The following IDO2 variants were observed in gnomAD, a reference collection of about 807,000 sequenced individuals.
The protein encoded by IDO2 is indoleamine 2,3-dioxygenase-like 1 protein.
Under a neutral mutation model 45.1 loss-of-function variants are expected in IDO2, and 46 were observed. The observed-to-expected ratio is 1.02, with a 90% CI of 0.80 to 1.30. IDO2 has a LOEUF of 1.30. Among genes scored for constraint, IDO2 ranks in the 50% most tolerant of loss-of-function variants. IDO2 has a pLI of 0.00. For synonymous variants in IDO2, 218 were observed against 184.9 expected, an observed-to-expected ratio of 1.18 and a Z score of -1.45; for missense variants, 544 against 491.8, an observed-to-expected ratio of 1.11 and a Z score of -1.00.
Position 39,940,804 on chromosome 8 carries a change from A to C in IDO2, c.-18+5586A>C, listed in dbSNP as rs191776344. 7.4e-3 allele frequency among the ~76,000 whole-genome samples: 1,128 copies of C among 151,542 alleles called. 10 individuals are homozygous for C. Among genetic ancestry groups the C allele is most frequent in the Non-Finnish European group, 0.012 (833 of 67,940 alleles). On this transcript the variant is annotated intron_variant, in intron 1 of 10. Transcript: ENST00000502986. Reference sequence around the variant, plus strand: ...TGCTTCCCAAAACAAAGAAATGATCACTGTTTCGGTGATGGAGATGTCAAT... The same window carrying C: ...TGCTTCCCAAAACAAAGAAATGATCCCTGTTTCGGTGATGGAGATGTCAAT...
At chr8:39,938,812 A>C (rs1464250208) in intron 1 of IDO2, among the ~76,000 whole-genome samples, 1 of 152,260 alleles carries the variant, frequency 6.6e-6, no homozygotes, top group East Asian at 1.9e-4. Flanking sequence ...GAAGAAACAC[A>C]GTGGCAAGCA....
At chr8:39,950,966 C>G (rs969596899) in intron 2 of IDO2, among the ~76,000 whole-genome samples, 1 of 152,032 alleles carries the variant, frequency 6.6e-6, no homozygotes, top group Non-Finnish European at 1.5e-5. Flanking sequence ...CTTTGAAGAA[C>G]TTTCCCATTT....
At chr8:39,934,773 T>C (rs1205397652) in exon 1 of IDO2, 3 of 283,950 alleles carry the variant, frequency 1.1e-5, no homozygotes, top group African/African-American at 4.6e-5. Context: ...GTGGTTGTAC[T>C]TTTGCCATAG....
At chr8:39,950,121 T>A (rs1807791193) in intron 2 of IDO2, among the ~76,000 whole-genome samples, 1 of 152,124 alleles carries the variant, frequency 6.6e-6, no homozygotes, top group African/African-American at 2.4e-5. Context: ...TTGCTGAAAG[T>A]CATGAGTGGC....
chr8:39,985,214 C>G, intron 5 of IDO2: 1 of 435,554 alleles, frequency 2.3e-6, no homozygotes, highest in Non-Finnish European at 4.1e-6. Context: ...CAGGCATGAG[C>G]CACTGTGCCC....
At chr8:39,997,127 A>G (rs960391331) in intron 8 of IDO2, among the ~76,000 whole-genome samples, 1 of 152,212 alleles carries the variant, frequency 6.6e-6, no homozygotes, top group Non-Finnish European at 1.5e-5. Flanking sequence ...ACAAATACAA[A>G]TTCATAATAC....
chr8:40,015,959 T>C (rs2955905), exon 11 of IDO2: 365,060 of 368,770 alleles, frequency 0.99, 180,793 homozygotes, highest in South Asian at 1. Context: ...TACTTGTTGA[T>C]TTTCTTAAAA....
chr8:39,945,018 A>G (rs1807709010), intron 1 of IDO2, among the ~76,000 whole-genome samples: 3 of 152,260 alleles, frequency 2.0e-5, no homozygotes, highest in Non-Finnish European at 4.4e-5. Flanking sequence ...TGCTCTGCTA[A>G]TAATTAATAG....
chr8:39,994,821 T>G (rs1198488057), intron 8 of IDO2, among the ~76,000 whole-genome samples: 1 of 152,086 alleles, frequency 6.6e-6, no homozygotes, highest in Non-Finnish European at 1.5e-5. Flanking sequence ...AAAAAAACCT[T>G]CAGATTAATT....
chr8:40,005,361 C>G (rs745582116), exon 9 of IDO2: 1 of 1,580,984 alleles, frequency 6.3e-7, no homozygotes, highest in Admixed American at 1.7e-5. Flanking sequence ...ATGCAGGCAT[C>G]CGGATCTTTC....
chr8:39,978,472 T>A (rs1240192475), intron 3 of IDO2, among the ~76,000 whole-genome samples: 2 of 152,082 alleles, frequency 1.3e-5, no homozygotes, highest in African/African-American at 4.8e-5. Flanking sequence ...CTTTCAACCA[T>A]GATACCGCCT....
intron 1 of IDO2, among the ~76,000 whole-genome samples, chr8:39,942,298 C>T (rs1404533254): frequency 6.6e-6 from 1 of 152,164 alleles, no homozygotes; most frequent in Non-Finnish European, 1.5e-5. Flanking sequence ...GGCCATGTAG[C>T]TAATAGATGA....
chr8:39,939,544 C>A (rs1807610513), intron 1 of IDO2, among the ~76,000 whole-genome samples: 2 of 37,852 alleles, frequency 5.3e-5, no homozygotes, highest in African/African-American at 1.0e-4. Flanking sequence ...GAGACTCTGT[C>A]TCAAAAAAAA....
chr8:40,009,278 G>T (rs929792852), intron 9 of IDO2, among the ~76,000 whole-genome samples: 3 of 152,142 alleles, frequency 2.0e-5, no homozygotes, highest in Non-Finnish European at 4.4e-5. Context: ...GTCCCCCAAA[G>T]TGCTGGGATT....
Position 39,987,866 on chromosome 8 carries a change from C to A in IDO2, c.450-5C>A. The stretch of plus-strand genomic sequence containing the variant: ...CTCTAATCATGTGCTCCTCTCCTTC[C>A]CAAGGAACCTGGAGACCATCATCTC... On this transcript the variant is annotated splice_region_variant and splice_polypyrimidine_tract_variant and intron_variant, in intron 6 of 10. Transcript: ENST00000502986. The A allele has an allele frequency of 6.3e-7, 1 of 1,585,752 alleles. No homozygotes were observed. Among genetic ancestry groups the A allele is most frequent in the Non-Finnish European group, 8.6e-7 (1 of 1,158,574 alleles).
At position 39,970,414 on chromosome 8, in the gene IDO2, C is replaced by CA. The variant is rs1274993356; in HGVS notation, c.195+6714dup. On this transcript the variant is annotated intron_variant, in intron 3 of 10. Transcript: ENST00000502986. Reference sequence around the variant, plus strand: ...ATTTATTAATTTATTTATTTTGAGACAAAGTCTTGCTCTGTCCCCCAGGCT... The same window carrying CA: ...ATTTATTAATTTATTTATTTTGAGACAAAAGTCTTGCTCTGTCCCCCAGGCT... 3.6e-4 allele frequency among the ~76,000 whole-genome samples: 55 copies of CA among 152,310 alleles called. 1 individual carries two copies. Among genetic ancestry groups the CA allele is most frequent in the African/African-American group, 1.2e-3 (51 of 41,568 alleles).
chr8:39,973,935 G>A (rs1808220555), intron 3 of IDO2, among the ~76,000 whole-genome samples: 4 of 151,888 alleles, frequency 2.6e-5, no homozygotes, highest in Non-Finnish European at 2.9e-5. Context: ...TAGAGACTGG[G>A]TTTCACCAAA....
At chr8:39,999,156 G>A (rs966416477) in intron 8 of IDO2, among the ~76,000 whole-genome samples, 1 of 151,984 alleles carries the variant, frequency 6.6e-6, no homozygotes, top group African/African-American at 2.4e-5. Flanking sequence ...TTCCATGGTT[G>A]CTATTGAGAT....
In IDO2 at chr8:40,010,460, C is replaced by A. The variant is rs562534163; in HGVS notation, c.720-3105C>A. 4.6e-5 allele frequency among the ~76,000 whole-genome samples: 7 copies of A among 152,272 alleles called. No homozygotes were observed. The East Asian group carries it at 1.4e-3, about 29-fold the overall frequency. Reference sequence around the variant, plus strand: ...CACGGACACGTTTTGAAAAGAATAACAATGTGATCTGCCTTCAGTTGCAAA... The same window carrying A: ...CACGGACACGTTTTGAAAAGAATAAAAATGTGATCTGCCTTCAGTTGCAAA... On this transcript the variant is annotated intron_variant, in intron 9 of 10. Transcript: ENST00000502986.
Sources: gnomAD v4.1 joint callset for allele counts (sites outside exome capture counted in the v4.1 genomes callset) on GRCh38, gnomAD v4.1.1 for gene constraint, MANE v1.5 for transcripts, NCBI Gene and HGNC (gene_info 2026-07-23, HGNC 2026-07-21) for gene names.